Variants in FAM135A observed in about 807,000 individuals in gnomAD.
The protein encoded by FAM135A is family with sequence similarity 135 member A.
A neutral mutation model predicts 146.8 loss-of-function variants in FAM135A; 79 were observed. The ratio of observed to expected loss-of-function variants is 0.54; its 90% CI spans 0.45 to 0.65. The LOEUF (loss-of-function observed/expected upper bound fraction) is 0.65, where lower values mean the gene tolerates loss of function less well. Among genes scored for constraint, FAM135A ranks in the 30% least tolerant of loss-of-function variants. The probability of loss-of-function intolerance (pLI) is 0.00; values close to 1 mark genes in which losing one functional copy is unlikely to be tolerated. For synonymous variants in FAM135A, 562 were observed against 603.6 expected (o/e 0.93, Z 1.01); for missense variants, 1,623 against 1,758.2 (o/e 0.92, Z 1.38).
intron 9 of FAM135A, among the ~76,000 whole-genome samples, 178 bp downstream of exon 9, chr6:70,481,205 T>C (rs1231590034): frequency 6.6e-6 from 1 of 150,556 alleles, no homozygotes; most frequent in Non-Finnish European, 1.5e-5. Flanking sequence ...AAAACTAACA[T>C]GATACTTCAA....
chr6:70,487,425 G>C (rs556606448), intron 10 of FAM135A, among the ~76,000 whole-genome samples: 3 of 152,004 alleles, frequency 2.0e-5, no homozygotes, highest in Admixed American at 2.0e-4. Context: ...ATTATGAAAA[G>C]CTGTAGGAAT....
chr6:70,418,222 G>T (rs1006699696), intron 2 of FAM135A, among the ~76,000 whole-genome samples: 1 of 152,208 alleles, frequency 6.6e-6, no homozygotes, highest in Non-Finnish European at 1.5e-5. Context: ...TGTGATAAAA[G>T]TTGTATATGT....
chr6:70,548,552 G>A (rs181560274), intron 20 of FAM135A, among the ~76,000 whole-genome samples: 14 of 152,168 alleles, frequency 9.2e-5, no homozygotes, highest in African/African-American at 3.4e-4. Context: ...CACCCTGCAG[G>A]GATCTCAGTC....
chr6:70,437,479 TAA>T (rs1157084000), intron 4 of FAM135A, among the ~76,000 whole-genome samples: 8 of 151,990 alleles, frequency 5.3e-5, no homozygotes, highest in African/African-American at 1.9e-4. Context: ...TACAAAGAAA[TAA>T]GAGTTTGGTC....
Position 70,477,215 on chromosome 6 carries a change from T to G in FAM135A, c.425T>G (p.Phe142Cys), listed in dbSNP as rs750549205. The change falls in exon 8 of 22, where the codon TTT becomes TGT. Residue 142 changes from phenylalanine to cysteine, a missense_variant. Around this residue, in one of 7 missense-constraint regions of FAM135A, gnomAD observed 171 missense variants for 164.9 expected, o/e 1.04. Transcript: ENST00000418814. ...LISSRTLKLHFSPHRGLHHHV... is the reference protein window; with the variant it reads ...LISSRTLKLHCSPHRGLHHHV... ...AGTAGCCGAACATTGAAGCTGCACT[T>G]TAGCCCCCATAGAGGCCTTCATCAT... 5.6e-6 allele frequency: 9 copies of G among 1,613,656 alleles called. No homozygotes were observed. In the East Asian group the frequency reaches 2.0e-4, roughly 36 times the overall value.
At chr6:70,532,358 A>G (rs865832021) in intron 16 of FAM135A, among the ~76,000 whole-genome samples, 3 of 152,224 alleles carry the variant, frequency 2.0e-5, no homozygotes, top group Non-Finnish European at 4.4e-5. Context: ...TATTGTAAGT[A>G]TATGTGTAGA....
chr6:70,427,765 G>A (rs1445472198), intron 3 of FAM135A, among the ~76,000 whole-genome samples: 1 of 151,972 alleles, frequency 6.6e-6, no homozygotes, highest in Non-Finnish European at 1.5e-5. Flanking sequence ...CAACTTCTTT[G>A]CAATTGAATA....
intron 5 of FAM135A, among the ~76,000 whole-genome samples, chr6:70,454,729 G>T (rs879457077): frequency 5.9e-5 from 9 of 152,034 alleles, no homozygotes; most frequent in Non-Finnish European, 1.2e-4. Context: ...GATGTGTAGT[G>T]TTACTTCTGA....
In FAM135A at chr6:70,533,244, G is replaced by T; in HGVS notation, c.3860G>T (p.Arg1287Ile). Residue 1287 changes from arginine (R) to isoleucine (I), a missense_variant, in exon 17 of 22, where the codon AGA becomes ATA. Physicochemically the swap from Arg to Ile is moderately conservative, Grantham distance 97 (BLOSUM62 -3). Transcript: ENST00000418814. ...GGRIDFLMSE[R>I]NQNDTFADFD... is the part of the protein sequence containing the mutation. ...AGAATTGATTTTCTTATGTCTGAGA[G>T]AAATCAGGTACAATATGACAGTGTT... 1 of 1,611,552 alleles carries T rather than the reference G, an allele frequency of 6.2e-7. No homozygotes were observed. Among genetic ancestry groups the T allele is most frequent in the Non-Finnish European group, 8.5e-7 (1 of 1,178,196 alleles).
intron 8 of FAM135A, among the ~76,000 whole-genome samples, chr6:70,478,868 T>A (rs937238485): frequency 2.0e-5 from 3 of 151,972 alleles, no homozygotes; most frequent in South Asian, 2.1e-4. Context: ...AAACTTAAAA[T>A]TTTTTTGGAA....
intron 20 of FAM135A, among the ~76,000 whole-genome samples, chr6:70,541,452 T>C (rs1218509835): frequency 1.3e-5 from 2 of 152,196 alleles, no homozygotes; most frequent in Non-Finnish European, 2.9e-5. Flanking sequence ...ATATTTTCCT[T>C]TCTCCATTTT....
At chr6:70,448,863 T>G (rs1776407424) in intron 4 of FAM135A, among the ~76,000 whole-genome samples, 1 of 152,226 alleles carries the variant, frequency 6.6e-6, no homozygotes, top group Admixed American at 6.5e-5. Context: ...TTGTTTGTGG[T>G]TTAAGAACGC....
chr6:70,516,757 G>A (rs1427904774), intron 12 of FAM135A, among the ~76,000 whole-genome samples: 7 of 151,762 alleles, frequency 4.6e-5, no homozygotes, highest in Non-Finnish European at 1.0e-4. Context: ...GGATGGTCTC[G>A]ATCTCCTGAC....
chr6:70,523,114 C>T (rs1793968561), intron 13 of FAM135A, among the ~76,000 whole-genome samples: 2 of 151,060 alleles, frequency 1.3e-5, no homozygotes, highest in Admixed American at 1.3e-4. Flanking sequence ...AAATTGAATA[C>T]TGTATGATTC....
chr6:70,554,067 G>A (rs1463827406), intron 20 of FAM135A, among the ~76,000 whole-genome samples: 1 of 152,288 alleles, frequency 6.6e-6, no homozygotes, highest in East Asian at 1.9e-4. Flanking sequence ...TTTGTGTCAA[G>A]GTATCTGGCA....
intron 12 of FAM135A, among the ~76,000 whole-genome samples, chr6:70,510,364 G>A (rs1790719821): frequency 1.3e-5 from 2 of 152,006 alleles, no homozygotes; most frequent in African/African-American, 2.4e-5. Flanking sequence ...TATAGTCACA[G>A]TGTTGTGTAA....
chr6:70,510,590 A>G (rs538081855), intron 12 of FAM135A, among the ~76,000 whole-genome samples: 1 of 152,224 alleles, frequency 6.6e-6, no homozygotes, highest in East Asian at 1.9e-4. Flanking sequence ...CATGTTTTAC[A>G]TGTATCCATA....
intron 12 of FAM135A, among the ~76,000 whole-genome samples, chr6:70,521,179 T>C (rs1793495217): frequency 6.6e-6 from 1 of 152,226 alleles, no homozygotes; most frequent in Admixed American, 6.5e-5. Flanking sequence ...GTTTTTAGTG[T>C]GGAGACTATG....
At chr6:70,510,425 C>A (rs942860959) in intron 12 of FAM135A, among the ~76,000 whole-genome samples, 14 of 151,968 alleles carry the variant, frequency 9.2e-5, no homozygotes, top group Admixed American at 3.9e-4. Context: ...GAAAGGAAAC[C>A]GTGTACACAT....
Sources: gnomAD v4.1 joint callset for allele counts (sites outside exome capture counted in the v4.1 genomes callset) on GRCh38, gnomAD v4.1.1 for gene constraint, gnomAD v4.1.1 regional missense constraint, MANE v1.5 for transcripts, NCBI Gene and HGNC (gene_info 2026-07-23, HGNC 2026-07-21) for gene names.